Variants in PTGR2 observed in about 807,000 individuals in gnomAD.
PTGR2 encodes the protein prostaglandin reductase 2.
A neutral mutation model predicts 43.4 loss-of-function variants in PTGR2; 32 were observed. The observed-to-expected ratio is 0.74, with a 90% CI of 0.56 to 0.99. PTGR2 has a LOEUF of 0.99. Ranked by LOEUF, PTGR2 falls within the 50% of genes least tolerant of loss-of-function variation. The pLI, the probability that PTGR2 is intolerant of heterozygous loss-of-function variation, is 0.00. For missense variants in PTGR2, 373 were observed against 420.0 expected (o/e 0.89, Z 0.98); for synonymous variants, 106 against 139.2 (o/e 0.76, Z 1.68).
At chr14:73,856,417 T>C (rs2054348728) in intron 1 of PTGR2, among the ~76,000 whole-genome samples, 1 of 151,576 alleles carries the variant, frequency 6.6e-6, no homozygotes, top group African/African-American at 2.4e-5. Flanking sequence ...CCGGCTATTT[T>C]TTTTTGTATT....
rs777900875 is a variant in PTGR2, at chr14:73,880,229, A to T, written c.851+53A>T. 9.4e-6 allele frequency: 15 copies of T among 1,587,846 alleles called. No individual in the cohort carries two copies. The South Asian group carries it at 1.4e-4, about 15-fold the overall frequency. On this transcript the variant is annotated intron_variant, in intron 7 of 9. Transcript: ENST00000555661. Reference sequence around the variant, plus strand: ...CCAGGTTCATGGGGTTTTAAATATCATAGATGTGTATGAAATCTATTGTTC... The same window carrying T: ...CCAGGTTCATGGGGTTTTAAATATCTTAGATGTGTATGAAATCTATTGTTC...
intron 3 of PTGR2, among the ~76,000 whole-genome samples, chr14:73,873,680 T>C (rs545188140): frequency 6.6e-6 from 1 of 152,070 alleles, no homozygotes; most frequent in Non-Finnish European, 1.5e-5. Flanking sequence ...GCCAGGCTGT[T>C]CTTGAACTCC....
intron 3 of PTGR2, among the ~76,000 whole-genome samples, chr14:73,866,392 C>T (rs1222651569): frequency 6.6e-6 from 1 of 152,144 alleles, no homozygotes; most frequent in Non-Finnish European, 1.5e-5. Flanking sequence ...CCGCCTCAGC[C>T]TCCCAAAGTG....
chr14:73,856,460 A>G (rs1028754504), intron 1 of PTGR2, among the ~76,000 whole-genome samples: 2 of 152,056 alleles, frequency 1.3e-5, no homozygotes, highest in Non-Finnish European at 2.9e-5. Context: ...CATGTTAGCC[A>G]GGCTGGTCTC....
intron 6 of PTGR2, 127 bp from the exon 7 acceptor site, chr14:73,879,928 T>A: frequency 1.2e-6 from 1 of 852,674 alleles, no homozygotes; most frequent in African/African-American, 1.7e-5. Context: ...CTCTAACAGG[T>A]AAATTAAAAA....
chr14:73,882,800 C>T lies in PTGR2; in HGVS notation c.979+362C>T, dbSNP rs1239804516. ...CAAGCGTGAGCCACCACGCCTGGCC[C>T]TTTTTTTTTTTTTTTTTTTTTTTTT... On this transcript the variant is annotated intron_variant, in intron 9 of 9. Coordinates refer to ENST00000555661, the MANE Select transcript of PTGR2 (RefSeq NM_001146154.2). 7.5e-3 allele frequency among the ~76,000 whole-genome samples: 313 copies of T among 41,850 alleles called. 2 individuals carry two copies. The highest frequency in any genetic ancestry group is 0.028 in the African/African-American group (305 of 10,804). The allele number at this position is 41,850 out of a possible 152,430, so 27.5% of individuals were successfully genotyped here.
chr14:73,855,553 TCTC>T (rs1566633050), intron 1 of PTGR2, among the ~76,000 whole-genome samples: 1 of 151,772 alleles, frequency 6.6e-6, no homozygotes, highest in Admixed American at 6.6e-5. Flanking sequence ...TTCAAGCAAT[TCTC>T]CTGCCTCAGT....
intron 3 of PTGR2, among the ~76,000 whole-genome samples, chr14:73,865,893 C>G (rs1261408849): frequency 1.3e-5 from 2 of 152,206 alleles, no homozygotes; most frequent in African/African-American, 4.8e-5. Flanking sequence ...TCTGGACTTT[C>G]AACTCTATTC....
intron 5 of PTGR2, chr14:73,877,695 A>C (rs1172978110): frequency 6.6e-6 from 1 of 152,188 alleles, no homozygotes; most frequent in African/African-American, 2.4e-5. Flanking sequence ...TGTTAACCAA[A>C]AGGAGATATA....
At chr14:73,881,119 AGATATTAGAATTCTG>A in intron 7 of PTGR2, 71 bp from the exon 8 acceptor site, 1 of 795,320 alleles carries the variant, frequency 1.3e-6, no homozygotes, top group Non-Finnish European at 2.2e-6. Flanking sequence ...AAGGATTAAC[AGATATTAGAATTCTG>A]GAATGGTTTG....
Position 73,874,082 on chromosome 14 carries a change from A to G in PTGR2, c.216A>G (p.Gln72=), listed in dbSNP as rs1269194515. The G allele has an allele frequency of 1.2e-6, 2 of 1,613,730 alleles. No individual in the cohort carries two copies. Among genetic ancestry groups the G allele is most frequent in the African/African-American group, 2.7e-5 (2 of 74,908 alleles). ...TDYITPWQLS[Q]VVDGGGIGII... ...ATATAACACCTTGGCAGCTATCTCA[A>G]GTCGTTGATGGAGGAGGTATTGGAA... Residue 72 remains glutamine (Q), a synonymous_variant, in exon 4 of 10, where the codon CAA becomes CAG. Coordinates refer to ENST00000555661, the MANE Select transcript of PTGR2 (RefSeq NM_001146154.2).
intron 3 of PTGR2, among the ~76,000 whole-genome samples, chr14:73,869,634 C>T (rs2054679729): frequency 6.6e-6 from 1 of 151,584 alleles, no homozygotes; most frequent in Non-Finnish European, 1.5e-5. Context: ...TCTCCAGTGA[C>T]TAGCATAATG....
chr14:73,877,750 A>G (rs1235753374), intron 5 of PTGR2: 1 of 152,224 alleles, frequency 6.6e-6, no homozygotes, highest in Non-Finnish European at 1.5e-5. Flanking sequence ...GAAGAGAATG[A>G]TAGAGAAGCT....
intron 9 of PTGR2, 85 bp downstream of exon 9, chr14:73,882,523 C>CAA: frequency 9.9e-7 from 1 of 1,011,270 alleles, no homozygotes. Flanking sequence ...ATTTTTGAGA[C>CAA]GGAGTCTTGC....
rs1212063809 is a variant in PTGR2 at position 73,884,326 on chromosome 14, A to G, written c.*149A>G. On this transcript the variant is annotated 3_prime_UTR_variant, in exon 10 of 10. Coordinates refer to ENST00000555661, the MANE Select transcript of PTGR2 (RefSeq NM_001146154.2). The stretch of plus-strand genomic sequence containing the variant: ...TTTAGTTGCATAGGGTATTTGATAC[A>G]ATCATTAATGGATCATACACAATAG... The G allele has an allele frequency of 3.6e-6, 2 of 554,486 alleles. No homozygotes were observed. The highest frequency in any genetic ancestry group is 3.9e-5 in the African/African-American group (2 of 50,738). 34.3% of individuals were successfully genotyped at this position (554,486 alleles called of 1,614,324 possible). A position where few individuals can be genotyped will look rare whatever the true frequency, so the allele number is the denominator to read the frequency against.
chr14:73,877,405 C>T (rs1232366994), intron 5 of PTGR2: 1 of 306,182 alleles, frequency 3.3e-6, no homozygotes. Flanking sequence ...GCTGGGACTA[C>T]AGGTGTGTGC....
chr14:73,880,177 G>A lies in PTGR2; in HGVS notation c.851+1G>A, dbSNP rs778808351. On this transcript the variant is annotated splice_donor_variant, in intron 7 of 9. Coordinates refer to ENST00000555661, the MANE Select transcript of PTGR2 (RefSeq NM_001146154.2). LOFTEE classifies it high-confidence loss of function. Reference sequence around the variant, plus strand: ...TCCAGAAAGAAAGAAACATCACAAGGTGTGTTCTTCCTCTTTGCCCTTATT... The same window carrying A: ...TCCAGAAAGAAAGAAACATCACAAGATGTGTTCTTCCTCTTTGCCCTTATT... The A allele has an allele frequency of 5.1e-5, 82 of 1,613,558 alleles. No individual in the cohort carries two copies. Among genetic ancestry groups the A allele is most frequent in the Non-Finnish European group, 7.0e-5 (82 of 1,179,708 alleles).
At chr14:73,874,358 G>A in intron 4 of PTGR2, 144 bp downstream of exon 4, 1 of 669,450 alleles carries the variant, frequency 1.5e-6, no homozygotes, top group Non-Finnish European at 2.5e-6. Flanking sequence ...GAAAGCCTTT[G>A]TTCCTTTTCC....
At chr14:73,879,002 A>T in intron 5 of PTGR2, 94 bp from the exon 6 acceptor site, 1 of 980,374 alleles carries the variant, frequency 1.0e-6, no homozygotes, top group Non-Finnish European at 1.5e-6. Flanking sequence ...TGTAATGAAC[A>T]CTGTCATATA....
Sources: gnomAD v4.1 joint callset for allele counts (sites outside exome capture counted in the v4.1 genomes callset) on GRCh38, gnomAD v4.1.1 for gene constraint, MANE v1.5 for transcripts, NCBI Gene and HGNC (gene_info 2026-07-23, HGNC 2026-07-21) for gene names.